The following ZNF765 variants were observed in gnomAD, a reference collection of about 807,000 sequenced individuals.
ZNF765 encodes zinc finger protein 765.
ZNF765 carries 37 observed loss-of-function variants against 44.7 expected under a neutral mutation model. The ratio of observed to expected loss-of-function variants is 0.83; its 90% CI spans 0.64 to 1.09. The LOEUF is 1.09. Ranked by LOEUF, ZNF765 falls within the 50% of genes least tolerant of loss-of-function variation. The probability of loss-of-function intolerance (pLI) is 0.00; values close to 1 mark genes in which losing one functional copy is unlikely to be tolerated. For missense variants in ZNF765, 594 were observed against 626.1 expected, an observed-to-expected ratio of 0.95 and a Z score of 0.55; for synonymous variants, 201 against 213.7, an observed-to-expected ratio of 0.94 and a Z score of 0.52.
At chr19:53,396,288 G>A (rs7250077) in intron 1 of ZNF765, among the ~76,000 whole-genome samples, 21,031 of 151,876 alleles carry the variant, frequency 0.14, 2,646 homozygotes, top group African/African-American at 0.33. Flanking sequence ...AGGGAGAGCA[G>A]AGGAGGCGCA....
chr19:53,405,344 T>G (rs73059142), intron 3 of ZNF765, among the ~76,000 whole-genome samples: 40,243 of 151,928 alleles, frequency 0.26, 6,547 homozygotes, highest in South Asian at 0.37. Flanking sequence ...AAAGTAAGAC[T>G]CCGGGCTGAG....
At chr19:53,404,739 C>T (rs1412152608) in intron 3 of ZNF765, among the ~76,000 whole-genome samples, 5 of 151,954 alleles carry the variant, frequency 3.3e-5, no homozygotes, top group Non-Finnish European at 5.9e-5. Context: ...GGATTACAGG[C>T]GTGAACCACC....
At chr19:53,402,450 C>T (rs969864647) in intron 3 of ZNF765, among the ~76,000 whole-genome samples, 8 of 151,888 alleles carry the variant, frequency 5.3e-5, no homozygotes, top group Admixed American at 1.3e-4. Flanking sequence ...TTACTAGAGA[C>T]GGAGTTTCAC....
chr19:53,398,090 G>C, intron 2 of ZNF765, 60 bp downstream of exon 2: 2 of 1,613,340 alleles, frequency 1.2e-6, no homozygotes, highest in South Asian at 1.1e-5. Flanking sequence ...GCTGACCTTG[G>C]AGTTTGGAAT....
chr19:53,399,290 T>C (rs2085699864), intron 2 of ZNF765, among the ~76,000 whole-genome samples: 1 of 130,282 alleles, frequency 7.7e-6, no homozygotes, highest in Non-Finnish European at 1.6e-5. Flanking sequence ...AAACATCACA[T>C]AGTGAATATA....
In ZNF765 at chr19:53,408,072, T is replaced by C; in HGVS notation, c.517T>C (p.Leu173=). 6.2e-7 allele frequency: 1 copy of C among 1,614,210 alleles called. No individual in the cohort carries two copies. Among genetic ancestry groups the C allele is most frequent in the Non-Finnish European group, 8.5e-7 (1 of 1,180,030 alleles). ...TGTGAAGTCTATCCACGATGCTTCC[T>C]TGGTTTCAACAGCCCAAAGAATTTC... ...QVVKSIHDAS[L]VSTAQRISCR... is the part of the protein sequence containing the mutation. Residue 173 remains leucine, a synonymous_variant, in exon 4 of 4, where the codon TTG becomes CTG. Transcript: ENST00000396408.
At chr19:53,424,287 TAA>T (rs3040542) in exon 4 of ZNF765, 44,780 of 136,586 alleles carry the variant, frequency 0.33, 6,938 homozygotes, top group Middle Eastern at 0.45. Context: ...TCATCTCTAC[TAA>T]AAAAAAAAAA....
downstream of ZNF765, among the ~76,000 whole-genome samples, chr19:53,414,492 C>CA (rs1568786161): frequency 3.4e-3 from 52 of 15,504 alleles, no homozygotes; most frequent in African/African-American, 6.0e-3. Flanking sequence ...CACACACACC[C>CA]CCCCCCCCCC....
intron 3 of ZNF765, among the ~76,000 whole-genome samples, chr19:53,405,903 C>CTATATATATATATATATA (rs10675178): frequency 6.1e-5 from 3 of 49,182 alleles, no homozygotes; most frequent in South Asian, 5.8e-4. Context: ...TTAATACCAA[C>CTATATATATATATATATA]TATATATATA....
intron 3 of ZNF765, among the ~76,000 whole-genome samples, chr19:53,405,257 C>A (rs1334642064): frequency 6.6e-6 from 1 of 152,098 alleles, no homozygotes; most frequent in East Asian, 1.9e-4. Flanking sequence ...GAGGCCGAGG[C>A]AGGAGAATCA....
chr19:53,426,016 A>G (rs1278942486), exon 4 of ZNF765: 1 of 152,262 alleles, frequency 6.6e-6, no homozygotes, highest in East Asian at 1.9e-4. Context: ...CTCCGCATAC[A>G]GGCGTTATCT....
Position 53,409,397 on chromosome 19 carries a change from G to A in ZNF765, c.*270G>A. The A allele has an allele frequency of 1.2e-6, 1 of 844,744 alleles. No individual in the cohort carries two copies. Among genetic ancestry groups the A allele is most frequent in the Middle Eastern group, 2.2e-4 (1 of 4,454 alleles). 52.3% of individuals were successfully genotyped at this position (844,744 alleles called of 1,614,324 possible). A position where few individuals can be genotyped will look rare whatever the true frequency, so the allele number is the denominator to read the frequency against. ...TGTGAAGAATGTGAAGAAGCTTTCT[G>A]TTTCAAATCCAACCTTGAAAGACAT... On this transcript the variant is annotated 3_prime_UTR_variant, in exon 4 of 4. Transcript: ENST00000396408.
Position 53,410,758 on chromosome 19 carries a change from A to G in ZNF765, c.*1631A>G. Reference sequence around the variant, plus strand: ...AACTCGTACTGGAGAGAAACCTTACAAATGTCATGATTGTGACAAGGTCTC... The same window carrying G: ...AACTCGTACTGGAGAGAAACCTTACGAATGTCATGATTGTGACAAGGTCTC... On this transcript the variant is annotated 3_prime_UTR_variant, in exon 4 of 4. Transcript: ENST00000396408. 1 of 439,426 alleles carries G rather than the reference A, an allele frequency of 2.3e-6. No individual in the cohort carries two copies. Among genetic ancestry groups the G allele is most frequent in the Non-Finnish European group, 4.7e-6 (1 of 214,590 alleles). The allele number at this position is 439,426 out of a possible 1,614,324, so 27.2% of individuals were successfully genotyped here. A position where few individuals can be genotyped will look rare whatever the true frequency, so the allele number is the denominator to read the frequency against.
chr19:53,399,980 A>G (rs1391738186), intron 2 of ZNF765, among the ~76,000 whole-genome samples: 1 of 151,842 alleles, frequency 6.6e-6, no homozygotes, highest in African/African-American at 2.4e-5. Flanking sequence ...ATGCCTTGAT[A>G]ATTTTTGTAT....
chr19:53,411,933 G>C lies in ZNF765; in HGVS notation c.*2806G>C, dbSNP rs572774706. ...TGTTACTTAGTTCCAGTAGTATTTT[G>C]GTTGACTCTTTGTGATTTTCTGCAC... is the stretch of plus-strand genomic sequence containing the variant. On this transcript the variant is annotated 3_prime_UTR_variant, in exon 4 of 4. Coordinates refer to ENST00000396408, the MANE Select transcript of ZNF765 (RefSeq NM_001040185.3). The C allele has an allele frequency of 1.3e-5, 2 of 157,710 alleles. No individual in the cohort carries two copies. The highest frequency in any genetic ancestry group is 4.8e-5 in the African/African-American group (2 of 41,572). The allele number at this position is 157,710 out of a possible 1,614,324, so 9.8% of individuals were successfully genotyped here.
intron 2 of ZNF765, among the ~76,000 whole-genome samples, chr19:53,400,846 G>A (rs2085718940): frequency 7.0e-6 from 1 of 142,920 alleles, no homozygotes; most frequent in African/African-American, 2.6e-5. Flanking sequence ...ATTTTCTTTT[G>A]TTTTGAGACT....
At position 53,408,976 on chromosome 19, in the gene ZNF765, C is replaced by A. The variant is rs763756956; in HGVS notation, c.1421C>A (p.Thr474Asn). 18 of 1,603,834 alleles carry A rather than the reference C, an allele frequency of 1.1e-5. No homozygotes were observed. The Middle Eastern group carries it at 5.0e-4, about 44-fold the overall frequency. The change falls in exon 4 of 4, where the codon ACC becomes AAC. Residue 474 changes from threonine to asparagine, a missense_variant. Around this residue, in one of 2 missense-constraint regions of ZNF765, gnomAD observed 567 missense variants for 572.6 expected, o/e 0.99. Coordinates refer to ENST00000396408, the MANE Select transcript of ZNF765 (RefSeq NM_001040185.3). ...TACAAGTGTAATGAGTGTGGCAAGA[C>A]CTTCAGCCGGACGTCATCCCTTACA... ...NPYKCNECGK[T>N]FSRTSSLTYH...
Position 53,406,628 on chromosome 19 carries a change from A to G in ZNF765, c.143-1070A>G, listed in dbSNP as rs141067323. Among the ~76,000 whole-genome samples the G allele has an allele frequency of 4.1e-4, 62 of 152,330 alleles. 1 individual carries two copies. Among genetic ancestry groups the G allele is most frequent in the African/African-American group, 1.2e-3 (51 of 41,572 alleles). On this transcript the variant is annotated intron_variant, in intron 3 of 3. Transcript: ENST00000396408. ...CACAGTCCACTAGTTAATGTCACAC[A>G]GTGCCACCGGATGCTGTGGCTCACG... is the stretch of plus-strand genomic sequence containing the variant.
At chr19:53,400,215 C>G (rs562668983) in intron 2 of ZNF765, among the ~76,000 whole-genome samples, 2 of 152,232 alleles carry the variant, frequency 1.3e-5, no homozygotes, top group Admixed American at 1.3e-4. Context: ...TATTTTACTT[C>G]GATATTTGAT....
Sources: allele counts gnomAD v4.1 joint callset (sites outside exome capture counted in the v4.1 genomes callset), GRCh38; gene constraint gnomAD v4.1.1; regional missense constraint gnomAD v4.1.1; transcripts MANE v1.5; gene names NCBI Gene and HGNC (gene_info 2026-07-23, HGNC 2026-07-21).